FHL2: variants seen among roughly 807,000 people sequenced by gnomAD.
FHL2 encodes four and a half LIM domains protein 2.
FHL2 carries 20 observed loss-of-function variants against 32.7 expected under a neutral mutation model. The observed-to-expected ratio is 0.61, with a 90% CI of 0.43 to 0.89. The LOEUF is 0.89. FHL2 is among the 40% of genes least tolerant of loss of function. The pLI, the probability that FHL2 is intolerant of heterozygous loss-of-function variation, is 0.00. For synonymous variants in FHL2, 123 were observed against 128.1 expected, an observed-to-expected ratio of 0.96 and a Z score of 0.27; for missense variants, 311 against 358.6, an observed-to-expected ratio of 0.87 and a Z score of 1.07.
intron 2 of FHL2, 27 bp from the exon 3 acceptor site, chr2:105,386,567 T>C: frequency 6.2e-7 from 1 of 1,610,060 alleles, no homozygotes; most frequent in South Asian, 1.1e-5. Flanking sequence ...AAAATCCAAG[T>C]CCCATTAAGC....
intron 1 of FHL2, among the ~76,000 whole-genome samples, chr2:105,436,415 A>G (rs1196335604): frequency 6.6e-6 from 1 of 152,202 alleles, no homozygotes; most frequent in Non-Finnish European, 1.5e-5. Context: ...AACTATTATG[A>G]ATATTTTAAT....
rs183547065 is a variant in FHL2, at chr2:105,434,978, C to T, written c.-25+3421G>A. On this transcript the variant is annotated intron_variant, in intron 1 of 5. Coordinates refer to the FHL2 transcript ENST00000393352. Reference sequence around the variant, plus strand: ...TATGTTTGCATAGAATTTTGCATTACGAAAACTTTCATGATCAGACTTAGT... The same window carrying T: ...TATGTTTGCATAGAATTTTGCATTATGAAAACTTTCATGATCAGACTTAGT... Among the ~76,000 whole-genome samples the T allele has an allele frequency of 1.1e-4, 17 of 152,048 alleles. No homozygotes were observed. The East Asian group carries it at 2.1e-3, about 19-fold the overall frequency.
intron 1 of FHL2, among the ~76,000 whole-genome samples, chr2:105,412,618 G>A (rs758690290): frequency 5.9e-5 from 9 of 152,198 alleles, no homozygotes; most frequent in African/African-American, 1.9e-4. Flanking sequence ...GAGTGAGGTC[G>A]TGCAAGAAAG....
chr2:105,376,847 A>T (rs1224934021), intron 3 of FHL2: 1 of 152,252 alleles, frequency 6.6e-6, no homozygotes, highest in Non-Finnish European at 1.5e-5. Context: ...AAGGAAAGGA[A>T]TTCTGACTCA....
At chr2:105,399,436 AG>A (rs1402855110), upstream of FHL2, 11 of 1,535,984 alleles carry the variant, frequency 7.2e-6, no homozygotes, top group Non-Finnish European at 9.6e-6. Context: ...CGGAGGGAGG[AG>A]GGGGTCACTT....
chr2:105,436,714 GAATA>G (rs1426646079), intron 1 of FHL2, among the ~76,000 whole-genome samples: 3 of 152,002 alleles, frequency 2.0e-5, no homozygotes, highest in Non-Finnish European at 2.9e-5. Context: ...ATCTTAGAAT[GAATA>G]AATAATTAAG....
intron 4 of FHL2, among the ~76,000 whole-genome samples, chr2:105,371,576 C>CTCTCT (rs1553416147): frequency 4.0e-5 from 6 of 150,770 alleles, no homozygotes; most frequent in African/African-American, 7.3e-5. Flanking sequence ...CTCTCTCTCT[C>CTCTCT]CTTATGTATG....
chr2:105,414,876 G>A (rs1197098954), intron 1 of FHL2, among the ~76,000 whole-genome samples: 6 of 152,124 alleles, frequency 3.9e-5, no homozygotes, highest in Non-Finnish European at 5.9e-5. Context: ...TTTAGGAGCT[G>A]TACATCAGGA....
chr2:105,358,802 G>A (rs1009229324), downstream of FHL2: 1 of 152,206 alleles, frequency 6.6e-6, no homozygotes, highest in African/African-American at 2.4e-5. Context: ...TGGGCTGCTT[G>A]GAGTCTGGCC....
At chr2:105,388,324 T>G (rs1236179942) in intron 2 of FHL2, among the ~76,000 whole-genome samples, 1 of 152,074 alleles carries the variant, frequency 6.6e-6, no homozygotes, top group Non-Finnish European at 1.5e-5. Context: ...GAATACGCAG[T>G]GTGAATAAGC....
intron 1 of FHL2, among the ~76,000 whole-genome samples, chr2:105,427,398 G>A (rs191581582): frequency 1.3e-5 from 2 of 152,184 alleles, no homozygotes; most frequent in African/African-American, 2.4e-5. Flanking sequence ...AAACTCACCC[G>A]GAGCTTGAAA....
chr2:105,396,814 A>T (rs1446170329), intron 1 of FHL2, 117 bp from the exon 2 acceptor site: 1 of 844,194 alleles, frequency 1.2e-6, no homozygotes, highest in Non-Finnish European at 1.9e-6. Flanking sequence ...CTCATAATAA[A>T]ACCGCACAGA....
Position 105,386,458 on chromosome 2 carries a change from A to G in FHL2, c.59T>C (p.Ile20Thr). 6.2e-7 allele frequency: 1 copy of G among 1,614,232 alleles called. No homozygotes were observed. Residue 20 changes from isoleucine (I) to threonine (T), a missense_variant, in exon 3 of 7, where the codon ATC (isoleucine) becomes ACC (threonine). Ile to Thr is a moderately conservative substitution (Grantham distance 89, BLOSUM62 -1). Coordinates refer to ENST00000530340, the MANE Select transcript of FHL2 (RefSeq NM_001318895.3). ...GCAGTAGGGGCTCTCCTCCCGCAGG[A>G]TGTACTTCTTGCCAAAGAGAGATTC... ...CNESLFGKKY[I>T]LREESPYCVV...
intron 1 of FHL2, among the ~76,000 whole-genome samples, chr2:105,438,221 G>A (rs1009967102): frequency 1.3e-5 from 2 of 152,182 alleles, no homozygotes; most frequent in African/African-American, 4.8e-5. Flanking sequence ...GTGGGAGCCA[G>A]CTGCCAGCAA....
rs548560034 is a variant in FHL2, at chr2:105,373,490, G to T, written c.331+69C>A. 28 of 1,545,580 alleles carry T rather than the reference G, an allele frequency of 1.8e-5. No individual in the cohort carries two copies. In the African/African-American group the frequency reaches 3.5e-4, roughly 19 times the overall value. ...CTGGAACCAAGTCAATGTGAACAGG[G>T]GGTCAGAGGAACGTGCACAAGGCTT... On this transcript the variant is annotated intron_variant, in intron 4 of 6. Coordinates refer to ENST00000530340, the MANE Select transcript of FHL2 (RefSeq NM_001318895.3).
chr2:105,363,479 G>T lies in FHL2; in HGVS notation c.502-8C>A. The T allele has an allele frequency of 6.3e-7, 1 of 1,599,088 alleles. No homozygotes were observed. Among genetic ancestry groups the T allele is most frequent in the Non-Finnish European group, 8.5e-7 (1 of 1,172,584 alleles). ...CCCTCCCGTGGTGATGGGCTGCAGGGACGAGGGGGAGAGTTAGTGTGGCCT... is the reference window on the plus strand; with the variant it reads ...CCCTCCCGTGGTGATGGGCTGCAGGTACGAGGGGGAGAGTTAGTGTGGCCT... On this transcript the variant is annotated splice_region_variant and splice_polypyrimidine_tract_variant and intron_variant, in intron 5 of 6. Transcript: ENST00000530340.
chr2:105,414,908 C>G (rs1683891917), intron 1 of FHL2, among the ~76,000 whole-genome samples: 1 of 152,222 alleles, frequency 6.6e-6, no homozygotes, highest in Non-Finnish European at 1.5e-5. Context: ...GACCAAATAT[C>G]TGTTTCACAA....
At chr2:105,432,816 C>T (rs578087702) in intron 1 of FHL2, among the ~76,000 whole-genome samples, 53 of 152,292 alleles carry the variant, frequency 3.5e-4, no homozygotes, top group Non-Finnish European at 6.8e-4. Flanking sequence ...ATACTGATTG[C>T]GTCCAAAAAA....
intron 1 of FHL2, among the ~76,000 whole-genome samples, chr2:105,417,684 CAAAAAAA>C (rs11353319): frequency 2.2e-5 from 2 of 89,394 alleles, no homozygotes; most frequent in African/African-American, 8.9e-5. Flanking sequence ...ACTCCATCTC[CAAAAAAA>C]AAAAAAAAAA....
Sources: gnomAD v4.1 joint callset for allele counts (sites outside exome capture counted in the v4.1 genomes callset) on GRCh38, gnomAD v4.1.1 for gene constraint, MANE v1.5 for transcripts, NCBI Gene and HGNC (gene_info 2026-07-23, HGNC 2026-07-21) for gene names.